Variants in CARMIL1 observed in about 807,000 individuals in gnomAD.
CARMIL1 encodes F-actin-uncapping protein LRRC16A.
CARMIL1 carries 90 observed loss-of-function variants against 177.1 expected under a neutral mutation model. That is an observed-to-expected ratio of 0.51 (90% CI 0.43 to 0.61). The LOEUF is 0.61. Ranked by LOEUF, CARMIL1 falls within the 20% of genes least tolerant of loss-of-function variation. The pLI is 0.00. For synonymous variants in CARMIL1, 577 were observed against 606.2 expected, an observed-to-expected ratio of 0.95 and a Z score of 0.71; for missense variants, 1,380 against 1,667.0, an observed-to-expected ratio of 0.83 and a Z score of 3.00.
chr6:25,560,368 ACT>A (rs1810996260), intron 29 of CARMIL1, among the ~76,000 whole-genome samples: 1 of 152,074 alleles, frequency 6.6e-6, no homozygotes, highest in Admixed American at 6.5e-5. Flanking sequence ...AATCACCTGC[ACT>A]GTTTTACAGC....
intron 31 of CARMIL1, among the ~76,000 whole-genome samples, chr6:25,586,059 G>A (rs979448888): frequency 3.3e-5 from 5 of 151,988 alleles, no homozygotes; most frequent in Non-Finnish European, 5.9e-5. Flanking sequence ...ATGAGCTGTT[G>A]GGTAAACCTC....
At position 25,577,630 on chromosome 6, in the gene CARMIL1, G is replaced by A. The variant is rs149572373; in HGVS notation, c.2743-3294G>A. ...TTTTTTTAAAAAAAAAGTATGTCTA[G>A]GAATTACATGTTAAAAGTGGGTTTG... On this transcript the variant is annotated intron_variant, in intron 29 of 36. Coordinates refer to ENST00000329474, the MANE Select transcript of CARMIL1 (RefSeq NM_017640.6). The surrounding 1 kb of genome is among the most constrained non-coding windows in gnomAD (Gnocchi z 4.5). 1.3e-5 allele frequency among the ~76,000 whole-genome samples: 2 copies of A among 152,098 alleles called. No homozygotes were observed. The highest frequency in any genetic ancestry group is 4.8e-5 in the African/African-American group (2 of 41,486).
At chr6:25,569,651 T>A (rs1811885817) in intron 29 of CARMIL1, among the ~76,000 whole-genome samples, 1 of 152,232 alleles carries the variant, frequency 6.6e-6, no homozygotes, top group Admixed American at 6.5e-5. Flanking sequence ...TTTGTCATCA[T>A]TATAAAGCTG....
At chr6:25,513,566 T>C (rs1338207058) in intron 20 of CARMIL1, among the ~76,000 whole-genome samples, 1 of 152,242 alleles carries the variant, frequency 6.6e-6, no homozygotes, top group African/African-American at 2.4e-5. Context: ...AAATGCATAA[T>C]GATGCTTTGT....
At chr6:25,343,780 T>C (rs551454534) in intron 2 of CARMIL1, among the ~76,000 whole-genome samples, 1 of 152,250 alleles carries the variant, frequency 6.6e-6, no homozygotes, top group African/African-American at 2.4e-5. Flanking sequence ...CTTGCTTTAT[T>C]GGACACTTGG....
At chr6:25,568,793 G>T (rs929400398) in intron 29 of CARMIL1, among the ~76,000 whole-genome samples, 5 of 152,182 alleles carry the variant, frequency 3.3e-5, no homozygotes, top group African/African-American at 9.7e-5. Flanking sequence ...GTAACTGAAT[G>T]AACTGGCCAC....
chr6:25,399,134 A>G (rs1793676836), intron 2 of CARMIL1, among the ~76,000 whole-genome samples: 1 of 152,206 alleles, frequency 6.6e-6, no homozygotes, highest in African/African-American at 2.4e-5. Context: ...CTGGAAGGAT[A>G]CTTTTTGATA....
intron 26 of CARMIL1, among the ~76,000 whole-genome samples, chr6:25,550,373 C>G (rs1028231602): frequency 6.6e-6 from 1 of 152,122 alleles, no homozygotes; most frequent in Non-Finnish European, 1.5e-5. Context: ...TTACCTAAAG[C>G]TTTTCTTTTA....
chr6:25,279,663 C>A lies in CARMIL1; in HGVS notation c.-133C>A. The stretch of plus-strand genomic sequence containing the variant: ...GGCGCGCGGCAAAATTCTGTCTCCG[C>A]CCCCCCTTTTCTTGCCCACTTCCAT... On this transcript the variant is annotated 5_prime_UTR_variant, in exon 1 of 37. Coordinates refer to ENST00000329474, the MANE Select transcript of CARMIL1 (RefSeq NM_017640.6). 1.2e-6 allele frequency: 1 copy of A among 804,432 alleles called. No individual in the cohort carries two copies. The highest frequency in any genetic ancestry group is 2.2e-6 in the Non-Finnish European group (1 of 458,504). The allele number at this position is 804,432 out of a possible 1,614,324, so 49.8% of individuals were successfully genotyped here. A position where few individuals can be genotyped will look rare whatever the true frequency, so the allele number is the denominator to read the frequency against.
At position 25,517,674 on chromosome 6, in the gene CARMIL1, C is replaced by T. The variant is rs373509501; in HGVS notation, c.1874+259C>T. Among the ~76,000 whole-genome samples the T allele has an allele frequency of 1.4e-4, 22 of 152,260 alleles. No individual in the cohort carries two copies. The East Asian group carries it at 2.7e-3, about 19-fold the overall frequency. Reference sequence around the variant, plus strand: ...CACTGTCGTGAGAATTAAATGAGATCGCGGGAAAGGGGCTGTGTGAGACTT... The same window carrying T: ...CACTGTCGTGAGAATTAAATGAGATTGCGGGAAAGGGGCTGTGTGAGACTT... On this transcript the variant is annotated intron_variant, in intron 22 of 36. Transcript: ENST00000329474.
chr6:25,373,981 G>A (rs957082563), intron 2 of CARMIL1, among the ~76,000 whole-genome samples: 6 of 152,038 alleles, frequency 3.9e-5, no homozygotes, highest in Non-Finnish European at 2.9e-5. Flanking sequence ...CCAAGCTTTC[G>A]TTTCCTTGAT....
chr6:25,480,650 AT>A (rs57084919), intron 11 of CARMIL1, among the ~76,000 whole-genome samples: 10 of 84,240 alleles, frequency 1.2e-4, no homozygotes, highest in African/African-American at 5.2e-4. Context: ...ATAAATTTAA[AT>A]TATTTATATT....
intron 2 of CARMIL1, among the ~76,000 whole-genome samples, chr6:25,315,731 C>T (rs927576794): frequency 3.7e-4 from 57 of 152,212 alleles, no homozygotes; most frequent in Non-Finnish European, 4.7e-4. Context: ...GGATTTGATT[C>T]ATCAATATTC....
At chr6:25,320,918 C>T (rs548949783) in intron 2 of CARMIL1, among the ~76,000 whole-genome samples, 10 of 152,326 alleles carry the variant, frequency 6.6e-5, no homozygotes, top group Admixed American at 6.5e-4. Flanking sequence ...CCAAAAAAAT[C>T]TCATAATGTT....
At chr6:25,292,973 A>C (rs77524013) in intron 2 of CARMIL1, among the ~76,000 whole-genome samples, 4,122 of 152,320 alleles carry the variant, frequency 0.027, 69 homozygotes, top group Non-Finnish European at 0.038. Context: ...GTTACTGTAA[A>C]AACTTTAGGT....
rs149558275 is a variant in CARMIL1 at position 25,517,311 on chromosome 6, GTGTC to G, written c.1806-33_1806-30del. On this transcript the variant is annotated intron_variant, in intron 21 of 36. Transcript: ENST00000329474. ...TCAATGTGAGAATCATTTTCTTTAA[GTGTC>G]TGATCATTTATGTGATTTGATTTTC... The G allele has an allele frequency of 9.9e-3, 15,017 of 1,510,968 alleles. 88 individuals carry two copies. The highest frequency in any genetic ancestry group is 0.012 in the Non-Finnish European group (13,345 of 1,087,614). 93.6% of individuals were successfully genotyped at this position (1,510,968 alleles called of 1,614,324 possible).
At chr6:25,552,267 T>C (rs1810179239) in intron 27 of CARMIL1, among the ~76,000 whole-genome samples, 1 of 152,098 alleles carries the variant, frequency 6.6e-6, no homozygotes. Context: ...GCCTAAACAT[T>C]AAGGAGAAAA....
chr6:25,560,793 A>G (rs1294405368), intron 29 of CARMIL1, among the ~76,000 whole-genome samples: 2 of 152,222 alleles, frequency 1.3e-5, no homozygotes, highest in Non-Finnish European at 2.9e-5. Context: ...ATAGGTGCTT[A>G]CTAGCCCCAG....
chr6:25,556,153 T>A lies in CARMIL1; in HGVS notation c.2593-548T>A, dbSNP rs115971602. 7.3e-3 allele frequency among the ~76,000 whole-genome samples: 1,111 copies of A among 152,320 alleles called. 14 individuals are homozygous for A. Among genetic ancestry groups the A allele is most frequent in the African/African-American group, 0.026 (1,062 of 41,570 alleles). On this transcript the variant is annotated intron_variant, in intron 28 of 36. Transcript: ENST00000329474. ...TGTTTCAGAAGAATTAAATCAAAGT[T>A]CCTGGTGTCAGATCAGCTCAGCACT...
Sources: gnomAD v4.1 joint callset for allele counts (sites outside exome capture counted in the v4.1 genomes callset) on GRCh38, gnomAD v4.1.1 for gene constraint, Gnocchi (gnomAD v3.1) non-coding constraint, MANE v1.5 for transcripts, NCBI Gene and HGNC (gene_info 2026-07-23, HGNC 2026-07-21) for gene names.